VPS52: variants seen among roughly 807,000 people sequenced by gnomAD.
The protein encoded by VPS52 is vacuolar protein sorting-associated protein 52 homolog.
VPS52 carries 56 observed loss-of-function variants against 98.7 expected under a neutral mutation model. The observed-to-expected ratio is 0.57, with a 90% CI of 0.46 to 0.71. The LOEUF (loss-of-function observed/expected upper bound fraction) is 0.71. Ranked by LOEUF, VPS52 falls within the 30% of genes least tolerant of loss-of-function variation. The pLI, the probability that VPS52 is intolerant of heterozygous loss-of-function variation, is 0.00. For missense variants in VPS52, 742 were observed against 925.9 expected (o/e 0.80, Z 2.58); for synonymous variants, 348 against 346.4 (o/e 1.00, Z -0.05).
In VPS52 at chr6:33,257,422, C is replaced by T. The variant is rs866811912; in HGVS notation, c.1795-5451G>A. Among the ~76,000 whole-genome samples, 13 of 149,466 alleles carry T rather than the reference C, an allele frequency of 8.7e-5. No homozygotes were observed. In the East Asian group the frequency reaches 2.6e-3, roughly 29 times the overall value. ...GAATTTCATTTTTTTTTTTTTTAAA[C>T]GGAGTCTCACTCTATCACCAGTCTG... On this transcript the variant is annotated intron_variant, in intron 17 of 19. Transcript: ENST00000445902.
At chr6:33,253,070 A>G (rs1233247039) in intron 17 of VPS52, among the ~76,000 whole-genome samples, 1 of 152,222 alleles carries the variant, frequency 6.6e-6, no homozygotes, top group African/African-American at 2.4e-5. Context: ...ATCATTCTAG[A>G]TGACAAATGA....
chr6:33,250,835 G>A lies in VPS52; in HGVS notation c.*6C>T. The A allele has an allele frequency of 6.2e-7, 1 of 1,608,696 alleles. No individual in the cohort carries two copies. The highest frequency in any genetic ancestry group is 8.5e-7 in the Non-Finnish European group (1 of 1,176,586). On this transcript the variant is annotated 3_prime_UTR_variant, in exon 20 of 20. Coordinates refer to ENST00000445902, the MANE Select transcript of VPS52 (RefSeq NM_022553.6). ...ACCGGCAGATCTCAGGGCGGTTTCT[G>A]GCACATCAGAAGTTGGGCTTATGCT...
Position 33,267,830 on chromosome 6 carries a change from A to G in VPS52, c.933+35T>C. ...CAGGGATGTCCCCTCCTCCCAGTCC[A>G]TGTGCCCAGGAATACCTCTCCCTCC... is the stretch of plus-strand genomic sequence containing the variant. On this transcript the variant is annotated intron_variant, in intron 9 of 19. Transcript: ENST00000445902. This position sits in a 1 kb window ranked among gnomAD's most constrained non-coding sequence, Gnocchi z 4.2. 1 of 1,612,996 alleles carries G rather than the reference A, an allele frequency of 6.2e-7. No homozygotes were observed. The highest frequency in any genetic ancestry group is 8.5e-7 in the Non-Finnish European group (1 of 1,179,970).
Position 33,269,014 on chromosome 6 carries a change from G to A in VPS52, c.548C>T (p.Thr183Met), listed in dbSNP as rs773515166. The A allele has an allele frequency of 7.4e-6, 12 of 1,611,818 alleles. No individual in the cohort carries two copies. The highest frequency in any genetic ancestry group is 1.0e-5 in the Non-Finnish European group (12 of 1,179,852). Residue 183 changes from threonine to methionine, a missense_variant and splice_region_variant, in exon 6 of 20, where the codon ACG (threonine) becomes ATG (methionine). Thr to Met is a moderately conservative substitution (Grantham distance 81). Around this residue, in one of 2 missense-constraint regions of VPS52, gnomAD observed 590 missense variants for 793.3 expected, o/e 0.74. Transcript: ENST00000445902. ...ATAACCCTTCAAACTGGTAACTCAC[G>A]TGACCAGAGCAGAAGGCACCACCAG... ...DGLVVPSALV[T>M]AILEAPVTEP...
In VPS52 at chr6:33,270,009, G is replaced by C; in HGVS notation, c.218C>G (p.Ala73Gly). 1 of 1,614,128 alleles carries C rather than the reference G, an allele frequency of 6.2e-7. No homozygotes were observed. Among genetic ancestry groups the C allele is most frequent in the Non-Finnish European group, 8.5e-7 (1 of 1,180,026 alleles). Residue 73 changes from alanine to glycine, a missense_variant, in exon 3 of 20, where the codon GCT (alanine) becomes GGT (glycine). Around this residue, in one of 2 missense-constraint regions of VPS52, gnomAD observed 152 missense variants for 132.6 expected, o/e 1.15. Transcript: ENST00000445902. ...ANLEDELVKE[A>G]LKTGVDLRHY... ...AGGGGAAAGCCTCACCGTTTTAAGA[G>C]CTTCCTTTACTAACTCATCCTCCAG...
chr6:33,266,058 C>T (rs1764264610), intron 12 of VPS52, among the ~76,000 whole-genome samples: 1 of 151,564 alleles, frequency 6.6e-6, no homozygotes. Flanking sequence ...GACAGGGTTT[C>T]ATCATGTTGG....
chr6:33,268,383 G>A lies in VPS52; in HGVS notation c.699+116C>T, dbSNP rs1006762333. The A allele has an allele frequency of 7.1e-7, 1 of 1,414,914 alleles. No individual in the cohort carries two copies. Among genetic ancestry groups the A allele is most frequent in the Non-Finnish European group, 9.6e-7 (1 of 1,038,360 alleles). The allele number at this position is 1,414,914 out of a possible 1,614,324, so 87.6% of individuals were successfully genotyped here. ...GACAAGAATGGGGCTGCCCAGAAAA[G>A]GCAGGGTGAAGTCCCTGGAGACAGG... On this transcript the variant is annotated intron_variant, in intron 7 of 19. Coordinates refer to ENST00000445902, the MANE Select transcript of VPS52 (RefSeq NM_022553.6). This position sits in a 1 kb window ranked among gnomAD's most constrained non-coding sequence, Gnocchi z 4.0.
chr6:33,257,035 A>T (rs1033047420), intron 17 of VPS52, among the ~76,000 whole-genome samples: 1 of 151,370 alleles, frequency 6.6e-6, no homozygotes, highest in Non-Finnish European at 1.5e-5. Flanking sequence ...CTTTAATTTT[A>T]TTATTATTTT....
At chr6:33,269,449 T>C (rs1404067730) in intron 5 of VPS52, 41 bp downstream of exon 5, 20 of 1,611,748 alleles carry the variant, frequency 1.2e-5, no homozygotes, top group Non-Finnish European at 1.7e-5. Context: ...CATGATCTGG[T>C]TCAGAGTAGC....
intron 17 of VPS52, among the ~76,000 whole-genome samples, chr6:33,262,040 C>CAAAAAAAAAAAAAAAA (rs9257102): frequency 6.5e-5 from 1 of 15,378 alleles, no homozygotes; most frequent in African/African-American, 2.3e-4. Context: ...AACTCCATCT[C>CAAAAAAAAAAAAAAAA]AAAAAAAAAA....
chr6:33,258,370 G>A lies in VPS52; in HGVS notation c.1794+5114C>T, dbSNP rs1233298389. ...CATTGCACTCCAGCCTCGGCAACAT[G>A]AGTGAAACTCCATCTCAAAAAAAAA... On this transcript the variant is annotated intron_variant, in intron 17 of 19. Transcript: ENST00000445902. Among the ~76,000 whole-genome samples, 10 of 119,326 alleles carry A rather than the reference G, an allele frequency of 8.4e-5. No individual in the cohort carries two copies. In the Admixed American group the frequency reaches 1.0e-3, roughly 12 times the overall value. The allele number at this position is 119,326 out of a possible 152,430, so 78.3% of individuals were successfully genotyped here. A position where few individuals can be genotyped will look rare whatever the true frequency, so the allele number is the denominator to read the frequency against.
At chr6:33,269,468 G>A (rs1284760615) in intron 5 of VPS52, 22 bp downstream of exon 5, 2 of 1,612,998 alleles carry the variant, frequency 1.2e-6, no homozygotes, top group South Asian at 2.2e-5. Context: ...GCTATTAGGG[G>A]TCACAGGTCA....
At chr6:33,265,032 G>T (rs1764131216) in intron 12 of VPS52, 132 bp from the exon 13 acceptor site, 1 of 824,074 alleles carries the variant, frequency 1.2e-6, no homozygotes, top group Non-Finnish European at 2.1e-6. Context: ...ACGTAAAATG[G>T]AACTGCCCCC....
chr6:33,260,297 C>T (rs984207786), intron 17 of VPS52, among the ~76,000 whole-genome samples: 1 of 151,960 alleles, frequency 6.6e-6, no homozygotes, highest in Non-Finnish European at 1.5e-5. Flanking sequence ...TCAAAGTGGT[C>T]CTCTCGCCTT....
In VPS52 at chr6:33,267,504, C is replaced by T; in HGVS notation, c.991+178G>A. 1 of 1,203,328 alleles carries T rather than the reference C, an allele frequency of 8.3e-7. No individual in the cohort carries two copies. Among genetic ancestry groups the T allele is most frequent in the Non-Finnish European group, 1.2e-6 (1 of 854,440 alleles). 74.5% of individuals were successfully genotyped at this position (1,203,328 alleles called of 1,614,324 possible). A position where few individuals can be genotyped will look rare whatever the true frequency, so the allele number is the denominator to read the frequency against. On this transcript the variant is annotated intron_variant, in intron 10 of 19. Coordinates refer to ENST00000445902, the MANE Select transcript of VPS52 (RefSeq NM_022553.6). The surrounding 1 kb of genome is among the most constrained non-coding windows in gnomAD (Gnocchi z 4.2). ...TCTCTCCCTCCCTTGCAATCATATG[C>T]AAAACTATGTGTCAAAATAATGTGT...
chr6:33,269,563 C>T lies in VPS52; in HGVS notation c.305-6G>A. 1 of 1,605,844 alleles carries T rather than the reference C, an allele frequency of 6.2e-7. No homozygotes were observed. ...ATTCTCACTCTCTTGAATATCTGATCCACAAAAAGTCAAGGGGCCTCATGG... is the reference window on the plus strand; with the variant it reads ...ATTCTCACTCTCTTGAATATCTGATTCACAAAAAGTCAAGGGGCCTCATGG... On this transcript the variant is annotated splice_region_variant and splice_polypyrimidine_tract_variant and intron_variant, in intron 4 of 19. Coordinates refer to ENST00000445902, the MANE Select transcript of VPS52 (RefSeq NM_022553.6).
At chr6:33,259,707 CGAAAAAAATCAAAATCT>C (rs1763409940) in intron 17 of VPS52, among the ~76,000 whole-genome samples, 3 of 151,166 alleles carry the variant, frequency 2.0e-5, no homozygotes, top group Admixed American at 2.0e-4. Flanking sequence ...ATCCAAAATC[CGAAAAAAATCAAAATCT>C]GAAACATTTC....
At chr6:33,263,384 TACACACACACAC>T (rs878982754) in intron 17 of VPS52, 88 bp downstream of exon 17, 127 of 574,456 alleles carry the variant, frequency 2.2e-4, no homozygotes, top group Non-Finnish European at 2.6e-4. Context: ...TGCCACTCCC[TACACACACACAC>T]ACACACACAC....
Position 33,268,721 on chromosome 6 carries a change from C to T in VPS52, c.549-72G>A. 2 of 1,489,152 alleles carry T rather than the reference C, an allele frequency of 1.3e-6. No individual in the cohort carries two copies. The highest frequency in any genetic ancestry group is 1.8e-6 in the Non-Finnish European group (2 of 1,117,482). The allele number at this position is 1,489,152 out of a possible 1,614,324, so 92.2% of individuals were successfully genotyped here. ...ATCCCTAAACCAGACCCAGACCACA[C>T]TCCTTACCTCCAGCCCCTGTCATCT... On this transcript the variant is annotated intron_variant, in intron 6 of 19. Coordinates refer to ENST00000445902, the MANE Select transcript of VPS52 (RefSeq NM_022553.6). This position sits in a 1 kb window ranked among gnomAD's most constrained non-coding sequence, Gnocchi z 4.0.
Sources: gnomAD v4.1 joint callset for allele counts (sites outside exome capture counted in the v4.1 genomes callset) on GRCh38, gnomAD v4.1.1 for gene constraint, gnomAD v4.1.1 regional missense constraint, Gnocchi (gnomAD v3.1) non-coding constraint, MANE v1.5 for transcripts, NCBI Gene and HGNC (gene_info 2026-07-23, HGNC 2026-07-21) for gene names.